PALS1: variants seen among roughly 807,000 people sequenced by gnomAD.
The protein encoded by PALS1 is protein PALS1.
In PALS1, 31 loss-of-function variants were observed where a neutral mutation model predicts 78.9. That is an observed-to-expected ratio of 0.39 (90% CI 0.30 to 0.53). The LOEUF (loss-of-function observed/expected upper bound fraction) is 0.53, where lower values mean the gene tolerates loss of function less well. PALS1 is among the 20% of genes least tolerant of loss of function. The pLI, the probability that PALS1 is intolerant of heterozygous loss-of-function variation, is 0.67. For missense variants in PALS1, 704 were observed against 826.5 expected (o/e 0.85, Z 1.82); for synonymous variants, 276 against 270.9 (o/e 1.02, Z -0.18).
Position 67,302,514 on chromosome 14 carries a change from A to G in PALS1, c.906A>G (p.Leu302=). ...TGTTGCATGAAGGAGATGAAGTTCTAGAGATTAATGGCATTGAAATTCGGG... is the reference window on the plus strand; with the variant it reads ...TGTTGCATGAAGGAGATGAAGTTCTGGAGATTAATGGCATTGAAATTCGGG... ...SGLLHEGDEV[L]EINGIEIRGK... The change falls in exon 7 of 15, where the codon CTA becomes CTG. Residue 302 remains leucine (L), a synonymous_variant. Coordinates refer to ENST00000261681, the MANE Select transcript of PALS1 (RefSeq NM_022474.4). 6.3e-7 allele frequency: 1 copy of G among 1,594,878 alleles called. No homozygotes were observed. The highest frequency in any genetic ancestry group is 2.3e-5 in the East Asian group (1 of 43,870).
At chr14:67,252,669 G>T (rs1210389895) in intron 1 of PALS1, among the ~76,000 whole-genome samples, 1 of 152,130 alleles carries the variant, frequency 6.6e-6, no homozygotes, top group Non-Finnish European at 1.5e-5. Flanking sequence ...GGTGTCCAGA[G>T]AATTGGTGTG....
At chr14:67,312,743 T>A (rs1213188240) in intron 9 of PALS1, 33 bp downstream of exon 9, 1 of 1,427,242 alleles carries the variant, frequency 7.0e-7, no homozygotes, top group African/African-American at 1.4e-5. Flanking sequence ...GTACATAATA[T>A]TAAAAGAACA....
intron 11 of PALS1, 23 bp from the exon 12 acceptor site, chr14:67,320,207 A>T: frequency 6.3e-7 from 1 of 1,596,730 alleles, no homozygotes; most frequent in Non-Finnish European, 8.5e-7. Flanking sequence ...TTGTTTGAAG[A>T]GCTTAACTTT....
intron 4 of PALS1, among the ~76,000 whole-genome samples, chr14:67,299,444 T>C (rs2084902075): frequency 6.6e-6 from 1 of 152,210 alleles, no homozygotes; most frequent in Admixed American, 6.5e-5. Context: ...ACATTTAACA[T>C]ACATCATTTT....
chr14:67,286,960 G>C (rs938534571), intron 3 of PALS1, among the ~76,000 whole-genome samples: 1 of 147,232 alleles, frequency 6.8e-6, no homozygotes, highest in African/African-American at 2.5e-5. Flanking sequence ...GCTCACGCCT[G>C]TAATCTCAGC....
intron 13 of PALS1, among the ~76,000 whole-genome samples, chr14:67,322,913 T>G (rs1215117127): frequency 6.6e-6 from 1 of 152,156 alleles, no homozygotes; most frequent in African/African-American, 2.4e-5. Context: ...GATTCAAACA[T>G]AGTCTACTTT....
intron 1 of PALS1, among the ~76,000 whole-genome samples, chr14:67,249,203 T>G (rs528735820): frequency 8.7e-5 from 13 of 150,150 alleles, no homozygotes; most frequent in Admixed American, 4.0e-4. Flanking sequence ...CTCAGGTGAT[T>G]TGCACGTCTC....
At chr14:67,251,668 A>G (rs532552009) in intron 1 of PALS1, among the ~76,000 whole-genome samples, 174 of 152,344 alleles carry the variant, frequency 1.1e-3, no homozygotes, top group Non-Finnish European at 1.4e-3. Flanking sequence ...CTGTGATACA[A>G]TAAGAAATAT....
At position 67,303,495 on chromosome 14, in the gene PALS1, A is replaced by G. The variant is rs79225585; in HGVS notation, c.964-27A>G. The G allele has an allele frequency of 2.9e-3, 4,516 of 1,565,392 alleles. 169 individuals are homozygous for G. The East Asian group carries it at 0.083, about 29-fold the overall frequency. Reference sequence around the variant, plus strand: ...AATGATTTTCATAAATGCAAATTTAAAAAATAACCTGATCTTTCTATTACA... The same window carrying G: ...AATGATTTTCATAAATGCAAATTTAGAAAATAACCTGATCTTTCTATTACA... On this transcript the variant is annotated intron_variant, in intron 7 of 14. Transcript: ENST00000261681.
intron 1 of PALS1, among the ~76,000 whole-genome samples, chr14:67,257,283 TC>T (rs1014416010): frequency 1.4e-4 from 21 of 152,130 alleles, no homozygotes; most frequent in African/African-American, 5.1e-4. Flanking sequence ...CAGGTGAACC[TC>T]AGAGGGGTGA....
At chr14:67,308,152 G>A (rs561800554) in intron 8 of PALS1, among the ~76,000 whole-genome samples, 1 of 151,314 alleles carries the variant, frequency 6.6e-6, no homozygotes, top group African/African-American at 2.4e-5. Flanking sequence ...CCTGGGTGAT[G>A]AAATAATCTG....
intron 3 of PALS1, among the ~76,000 whole-genome samples, chr14:67,291,179 C>T (rs138691541): frequency 8.5e-4 from 127 of 149,840 alleles, no homozygotes; most frequent in Non-Finnish European, 6.1e-4. Flanking sequence ...AGTATATGTG[C>T]GTGTGCATGT....
At chr14:67,324,725 T>C (rs1385716898) in intron 14 of PALS1, among the ~76,000 whole-genome samples, 1 of 151,824 alleles carries the variant, frequency 6.6e-6, no homozygotes, top group African/African-American at 2.4e-5. Flanking sequence ...GCTGGGACTA[T>C]AGCCATGCAC....
chr14:67,305,948 G>A (rs2084995338), intron 8 of PALS1, among the ~76,000 whole-genome samples: 1 of 152,140 alleles, frequency 6.6e-6, no homozygotes, highest in African/African-American at 2.4e-5. Flanking sequence ...AGAGCAAAAT[G>A]CCACATCTAT....
At chr14:67,255,172 T>C (rs904962131) in intron 1 of PALS1, among the ~76,000 whole-genome samples, 6 of 151,772 alleles carry the variant, frequency 4.0e-5, no homozygotes, top group African/African-American at 1.5e-4. Context: ...AGTTCGAATC[T>C]CTTATAATGC....
intron 3 of PALS1, among the ~76,000 whole-genome samples, chr14:67,285,830 G>A (rs1033225065): frequency 1.3e-5 from 2 of 152,140 alleles, no homozygotes; most frequent in Non-Finnish European, 2.9e-5. Flanking sequence ...TAGACTGACA[G>A]GAGAGGGCAA....
chr14:67,303,446 G>A (rs1186507753), intron 7 of PALS1, 76 bp from the exon 8 acceptor site: 6 of 1,175,532 alleles, frequency 5.1e-6, no homozygotes, highest in Non-Finnish European at 7.6e-6. Flanking sequence ...TCCAGTTTAG[G>A]GAATATAGAT....
chr14:67,309,527 G>A (rs1366165815), intron 8 of PALS1, among the ~76,000 whole-genome samples: 2 of 152,144 alleles, frequency 1.3e-5, no homozygotes, highest in Non-Finnish European at 2.9e-5. Flanking sequence ...TCTCTTCCCA[G>A]CCTACACAAA....
intron 8 of PALS1, among the ~76,000 whole-genome samples, chr14:67,306,513 TTG>T (rs35688419): frequency 4.6e-4 from 68 of 147,330 alleles, no homozygotes; most frequent in South Asian, 1.5e-3. Flanking sequence ...CTGGCTGAAT[TTG>T]TGTGTGTGTG....
Sources: gnomAD v4.1 joint callset for allele counts (sites outside exome capture counted in the v4.1 genomes callset) on GRCh38, gnomAD v4.1.1 for gene constraint, MANE v1.5 for transcripts, NCBI Gene and HGNC (gene_info 2026-07-23, HGNC 2026-07-21) for gene names.